CBY1: variants seen among roughly 807,000 people sequenced by gnomAD.
CBY1 encodes chibby 1, beta catenin antagonist, also known as protein chibby homolog 1.
Under a neutral mutation model 15.6 loss-of-function variants are expected in CBY1, and 10 were observed. The ratio of observed to expected loss-of-function variants is 0.64; its 90% CI spans 0.40 to 1.09. The LOEUF (loss-of-function observed/expected upper bound fraction) is 1.09, where lower values mean the gene tolerates loss of function less well. Among genes scored for constraint, CBY1 ranks in the 50% least tolerant of loss-of-function variants. The probability of loss-of-function intolerance (pLI) is 0.01; values close to 1 mark genes in which losing one functional copy is unlikely to be tolerated. For synonymous variants in CBY1, 61 were observed against 63.5 expected, an observed-to-expected ratio of 0.96 and a Z score of 0.19; for missense variants, 150 against 160.5, an observed-to-expected ratio of 0.93 and a Z score of 0.35.
intron 1 of CBY1, among the ~76,000 whole-genome samples, chr22:38,663,830 TG>T (rs2092428868): frequency 6.6e-6 from 1 of 151,836 alleles, no homozygotes; most frequent in Non-Finnish European, 1.5e-5. Flanking sequence ...GAGACCAGCC[TG>T]GCCAACATGG....
At chr22:38,672,469 C>G (rs943580914) in intron 4 of CBY1, among the ~76,000 whole-genome samples, 3 of 151,896 alleles carry the variant, frequency 2.0e-5, no homozygotes, top group Non-Finnish European at 2.9e-5. Flanking sequence ...GCACCCGCCA[C>G]CACGCTTGGC....
At position 38,668,085 on chromosome 22, in the gene CBY1, A is replaced by C. The variant is rs1483894949; in HGVS notation, c.31A>C (p.Lys11Gln). 1 of 1,613,854 alleles carries C rather than the reference A, an allele frequency of 6.2e-7. No homozygotes were observed. Among genetic ancestry groups the C allele is most frequent in the African/African-American group, 1.3e-5 (1 of 74,894 alleles). Residue 11 changes from lysine to glutamine, a missense_variant, in exon 2 of 5, where the codon AAG (lysine) becomes CAG (glutamine). Coordinates refer to ENST00000216029, the MANE Select transcript of CBY1 (RefSeq NM_015373.4). MPFFGNTFSP[K>Q]KTPPRKSASL... is the part of the protein sequence containing the mutation. ...TTTCTTTGGGAATACGTTCAGTCCG[A>C]AGAAGACACCTCCTCGGAAGTCGGC...
chr22:38,667,165 C>A (rs1311394343), intron 1 of CBY1, among the ~76,000 whole-genome samples: 1 of 151,702 alleles, frequency 6.6e-6, no homozygotes, highest in Non-Finnish European at 1.5e-5. Context: ...CACGCACCAC[C>A]ATACCTGGCT....
At chr22:38,663,099 G>A (rs983397254) in intron 1 of CBY1, among the ~76,000 whole-genome samples, 1 of 151,980 alleles carries the variant, frequency 6.6e-6, no homozygotes, top group African/African-American at 2.4e-5. Flanking sequence ...CAGCCTGGGC[G>A]ACAGAGTAAG....
intron 1 of CBY1, among the ~76,000 whole-genome samples, chr22:38,660,865 C>T (rs890756784): frequency 4.0e-4 from 61 of 151,942 alleles, no homozygotes; most frequent in African/African-American, 1.5e-3. Context: ...GTCTCCAGAA[C>T]TTTATTCATG....
chr22:38,673,061 G>A, intron 4 of CBY1, 98 bp from the exon 5 acceptor site: 4 of 758,448 alleles, frequency 5.3e-6, no homozygotes, highest in Non-Finnish European at 9.2e-6. Flanking sequence ...TCAGAGAAGT[G>A]GCAGGGGGCC....
At chr22:38,667,865 C>A in intron 1 of CBY1, 152 bp from the exon 2 acceptor site, 1 of 597,028 alleles carries the variant, frequency 1.7e-6, no homozygotes. Context: ...AATGGCAATT[C>A]AATTTCAACA....
intron 4 of CBY1, among the ~76,000 whole-genome samples, chr22:38,672,882 C>T (rs994806409): frequency 5.3e-5 from 8 of 152,182 alleles, no homozygotes; most frequent in South Asian, 4.1e-4. Flanking sequence ...CTGCCTTTGA[C>T]GTCCTCTGAG....
At chr22:38,665,760 T>C in intron 1 of CBY1, 1 of 1,209,282 alleles carries the variant, frequency 8.3e-7, no homozygotes, top group Non-Finnish European at 1.0e-6. Flanking sequence ...TTTGAGCCAG[T>C]GCGTTGGTTC....
intron 1 of CBY1, chr22:38,657,022 C>G (rs1238935203): frequency 1.3e-5 from 5 of 393,818 alleles, no homozygotes; most frequent in Non-Finnish European, 1.7e-5. Context: ...TACTTGAGTC[C>G]GACAGCCCTG....
intron 2 of CBY1, among the ~76,000 whole-genome samples, chr22:38,669,010 A>G (rs997018411): frequency 1.3e-5 from 2 of 152,180 alleles, no homozygotes; most frequent in Non-Finnish European, 2.9e-5. Flanking sequence ...CCTCTAGGAC[A>G]TCCTCTGTCC....
At position 38,668,076 on chromosome 22, in the gene CBY1, T is replaced by G; in HGVS notation, c.22T>G (p.Phe8Val). MPFFGNT[F>V]SPKKTPPRKS... is the part of the protein sequence containing the mutation. ...AAAGATGCCTTTCTTTGGGAATACG[T>G]TCAGTCCGAAGAAGACACCTCCTCG... The change falls in exon 2 of 5, where the codon TTC becomes GTC. Residue 8 changes from phenylalanine (F) to valine (V), a missense_variant. Physicochemically the swap from Phe to Val is conservative, Grantham distance 50. Transcript: ENST00000216029. 6.2e-7 allele frequency: 1 copy of G among 1,614,002 alleles called. No individual in the cohort carries two copies. Among genetic ancestry groups the G allele is most frequent in the Non-Finnish European group, 8.5e-7 (1 of 1,179,926 alleles).
chr22:38,658,666 C>T (rs188327214), intron 1 of CBY1, among the ~76,000 whole-genome samples: 1,764 of 151,784 alleles, frequency 0.012, 39 homozygotes, highest in African/African-American at 0.04. Flanking sequence ...TTAGTAGAGA[C>T]GGGGTTTCAC....
intron 1 of CBY1, chr22:38,667,505 G>A (rs1392405243): frequency 6.5e-6 from 1 of 152,960 alleles, no homozygotes; most frequent in Admixed American, 6.5e-5. Context: ...GTAGCACAAA[G>A]GGAGCGTTCA....
At chr22:38,666,282 G>A (rs1359508964) in intron 1 of CBY1, among the ~76,000 whole-genome samples, 1 of 148,158 alleles carries the variant, frequency 6.7e-6, no homozygotes, top group African/African-American at 2.5e-5. Context: ...GCCCTGCTAA[G>A]TTGCCCAGGC....
intron 4 of CBY1, 92 bp downstream of exon 4, chr22:38,671,280 C>A: frequency 2.1e-6 from 2 of 941,446 alleles, no homozygotes; most frequent in Non-Finnish European, 3.5e-6. Flanking sequence ...CTCCTCAATG[C>A]CAGTTTGGCC....
chr22:38,669,667 A>C (rs1289921825), intron 2 of CBY1: 1 of 152,278 alleles, frequency 6.6e-6, no homozygotes, highest in Non-Finnish European at 1.5e-5. Flanking sequence ...CTAACTGAGA[A>C]AGGGACATTT....
chr22:38,667,953 T>G, intron 1 of CBY1, 64 bp from the exon 2 acceptor site: 2 of 829,684 alleles, frequency 2.4e-6, no homozygotes, highest in Non-Finnish European at 4.0e-6. Context: ...TCTTCAAGAT[T>G]TGAAGACAAT....
chr22:38,660,410 G>A (rs527934811), intron 1 of CBY1, among the ~76,000 whole-genome samples: 75 of 152,040 alleles, frequency 4.9e-4, no homozygotes, highest in Middle Eastern at 6.8e-3. Flanking sequence ...GGCCAGGCTG[G>A]TCCTGAACTC....
Sources: allele counts gnomAD v4.1 joint callset (sites outside exome capture counted in the v4.1 genomes callset), GRCh38; gene constraint gnomAD v4.1.1; transcripts MANE v1.5; gene names NCBI Gene and HGNC (gene_info 2026-07-23, HGNC 2026-07-21).